Variants in EFR3A observed in about 807,000 individuals in gnomAD.
EFR3A encodes the protein protein EFR3 homolog A.
In EFR3A, 76 loss-of-function variants were observed where a neutral mutation model predicts 104.4. The ratio of observed to expected loss-of-function variants is 0.73; its 90% CI spans 0.60 to 0.88. The LOEUF is 0.88. Ranked by LOEUF, EFR3A falls within the 40% of genes least tolerant of loss-of-function variation. EFR3A has a pLI of 0.00. For missense variants in EFR3A, 985 were observed against 1,012.5 expected (o/e 0.97, Z 0.37); for synonymous variants, 330 against 330.0 (o/e 1.00, Z 0.00).
intron 3 of EFR3A, among the ~76,000 whole-genome samples, chr8:131,945,655 A>C (rs1818401673): frequency 1.3e-5 from 2 of 152,078 alleles, no homozygotes; most frequent in Non-Finnish European, 1.5e-5. Flanking sequence ...TTAAAAATTG[A>C]TACATAATAT....
intron 22 of EFR3A, among the ~76,000 whole-genome samples, chr8:132,009,749 G>C (rs1822237419): frequency 6.6e-6 from 1 of 151,934 alleles, no homozygotes; most frequent in Non-Finnish European, 1.5e-5. Flanking sequence ...AAAAACACTA[G>C]AATTAATACA....
intron 1 of EFR3A, among the ~76,000 whole-genome samples, chr8:131,934,865 T>G (rs529529165): frequency 2.6e-5 from 4 of 152,246 alleles, no homozygotes; most frequent in African/African-American, 9.6e-5. Flanking sequence ...AAAGGATATG[T>G]GTGAGTGGAA....
chr8:131,990,391 G>A lies in EFR3A; in HGVS notation c.2065+2689G>A, dbSNP rs2130774952. ...CCAGGGATATCTTCCAGAGGAAAAA[G>A]CCTCTAAGATGAGCTTGAAACAGGT... On this transcript the variant is annotated intron_variant, in intron 18 of 22. Coordinates refer to ENST00000254624, the MANE Select transcript of EFR3A (RefSeq NM_015137.6). 2.0e-5 allele frequency among the ~76,000 whole-genome samples: 3 copies of A among 152,270 alleles called. No individual in the cohort carries two copies. In the Middle Eastern group the frequency reaches 0.01, roughly 518 times the overall value.
intron 22 of EFR3A, among the ~76,000 whole-genome samples, chr8:132,004,716 C>G (rs1010933914): frequency 1.3e-5 from 2 of 152,138 alleles, no homozygotes; most frequent in Non-Finnish European, 2.9e-5. Context: ...ATTATTTCTG[C>G]TAATCCTCAC....
rs565939582 is a variant in EFR3A, at chr8:131,976,217, G to A, written c.1274+76G>A. The stretch of plus-strand genomic sequence containing the variant: ...CTAACGAAATCTAGAAAATGTTAAC[G>A]TTTTGTTTTTTTTTAAAAATCATTA... On this transcript the variant is annotated intron_variant, in intron 11 of 22. Coordinates refer to ENST00000254624, the MANE Select transcript of EFR3A (RefSeq NM_015137.6). 5.3e-5 allele frequency: 53 copies of A among 993,024 alleles called. 2 individuals carry two copies. The South Asian group carries it at 6.1e-4, about 11-fold the overall frequency. 61.5% of individuals were successfully genotyped at this position (993,024 alleles called of 1,614,324 possible). A position where few individuals can be genotyped will look rare whatever the true frequency, so the allele number is the denominator to read the frequency against.
At chr8:131,993,709 A>G (rs1036526434) in intron 18 of EFR3A, among the ~76,000 whole-genome samples, 1 of 152,016 alleles carries the variant, frequency 6.6e-6, no homozygotes, top group Non-Finnish European at 1.5e-5. Flanking sequence ...AGCTTGAGAA[A>G]AAAAAAAAAA....
intron 22 of EFR3A, among the ~76,000 whole-genome samples, chr8:132,005,125 A>T (rs1174990103): frequency 6.6e-6 from 1 of 152,198 alleles, no homozygotes; most frequent in African/African-American, 2.4e-5. Context: ...GATAGTGATT[A>T]TTCTCATTTT....
chr8:131,923,885 A>G (rs936831937), intron 1 of EFR3A, among the ~76,000 whole-genome samples: 8 of 152,110 alleles, frequency 5.3e-5, no homozygotes, highest in Non-Finnish European at 1.2e-4. Flanking sequence ...GCGAAGATGA[A>G]TGAAACAGTT....
chr8:131,931,269 T>G (rs1228143918), intron 1 of EFR3A, among the ~76,000 whole-genome samples: 1 of 152,182 alleles, frequency 6.6e-6, no homozygotes, highest in Non-Finnish European at 1.5e-5. Context: ...TTGTATTTAT[T>G]CCAAGGCAAC....
At chr8:132,002,798 T>C in intron 21 of EFR3A, 92 bp downstream of exon 21, 2 of 1,024,818 alleles carry the variant, frequency 2.0e-6, no homozygotes, top group South Asian at 3.0e-5. Context: ...CAAGCTTTAG[T>C]CAAATCAACG....
At chr8:132,003,117 C>A in intron 21 of EFR3A, 119 bp from the exon 22 acceptor site, 1 of 784,848 alleles carries the variant, frequency 1.3e-6, no homozygotes, top group Non-Finnish European at 2.0e-6. Flanking sequence ...GCATTGTGTA[C>A]TTAATAATTA....
rs969444713 is a variant in EFR3A at position 132,013,393 on chromosome 8, C to A, written c.*2498C>A. The A allele has an allele frequency of 2.6e-5, 4 of 152,516 alleles. No individual in the cohort carries two copies. In the Admixed American group the frequency reaches 2.6e-4, roughly 10 times the overall value. The allele number at this position is 152,516 out of a possible 1,614,324, so 9.4% of individuals were successfully genotyped here. On this transcript the variant is annotated 3_prime_UTR_variant, in exon 23 of 23. Transcript: ENST00000254624. ...CTCATTATCTTTTAGAATAATAATA[C>A]TACTACACTTTACCAGCAATTAACT...
chr8:131,989,340 G>GT (rs1346837206), intron 18 of EFR3A, among the ~76,000 whole-genome samples: 1 of 152,156 alleles, frequency 6.6e-6, no homozygotes, highest in African/African-American at 2.4e-5. Context: ...AACATATTTA[G>GT]TTTGTTGTGT....
At chr8:131,998,087 A>G (rs1381608848) in intron 19 of EFR3A, among the ~76,000 whole-genome samples, 1 of 152,032 alleles carries the variant, frequency 6.6e-6, no homozygotes, top group East Asian at 1.9e-4. Flanking sequence ...TTAGTGTCAC[A>G]TTTGCTTGAG....
chr8:131,984,256 G>A lies in EFR3A; in HGVS notation c.1693G>A (p.Glu565Lys). 3 of 1,608,360 alleles carry A rather than the reference G, an allele frequency of 1.9e-6. No individual in the cohort carries two copies. The highest frequency in any genetic ancestry group is 2.5e-6 in the Non-Finnish European group (3 of 1,177,424). Residue 565 changes from glutamate to lysine, a missense_variant, in exon 15 of 23, where the codon GAA (glutamate) becomes AAA (lysine). Glu to Lys is a moderately conservative substitution (Grantham distance 56). Coordinates refer to ENST00000254624, the MANE Select transcript of EFR3A (RefSeq NM_015137.6). ...TCTTATAACTATTGAACTGGCTAAT[G>A]AAGAAGTAGTTATTGATCTCATTCG... ...LALITIELAN[E>K]EVVIDLIRLA...
At chr8:131,990,531 G>A (rs1042395131) in intron 18 of EFR3A, among the ~76,000 whole-genome samples, 1 of 152,218 alleles carries the variant, frequency 6.6e-6, no homozygotes, top group Non-Finnish European at 1.5e-5. Context: ...ACTTCAGGGA[G>A]TGGAGTTAGG....
At chr8:131,984,402 G>A in intron 15 of EFR3A, 102 bp downstream of exon 15, 2 of 1,117,338 alleles carry the variant, frequency 1.8e-6, no homozygotes, top group South Asian at 3.8e-5. Flanking sequence ...TAAAAGGGAG[G>A]TATCTAGTTG....
At chr8:131,976,909 C>G (rs995314027) in intron 11 of EFR3A, 132 bp from the exon 12 acceptor site, 1 of 557,312 alleles carries the variant, frequency 1.8e-6, no homozygotes, top group Non-Finnish European at 2.9e-6. Context: ...GTGAAGTGAG[C>G]CATGACTTAA....
At chr8:131,986,342 G>T in intron 17 of EFR3A, 81 bp downstream of exon 17, 1 of 647,514 alleles carries the variant, frequency 1.5e-6, no homozygotes. Context: ...AGTAAATATT[G>T]TTACAATAAT....
Sources: allele counts gnomAD v4.1 joint callset (sites outside exome capture counted in the v4.1 genomes callset), GRCh38; gene constraint gnomAD v4.1.1; transcripts MANE v1.5; gene names NCBI Gene and HGNC (gene_info 2026-07-23, HGNC 2026-07-21).